Variants in C1GALT1 observed in about 807,000 individuals in gnomAD.
C1GALT1 encodes the protein glycoprotein-N-acetylgalactosamine 3-beta-galactosyltransferase 1.
A neutral mutation model predicts 31.0 loss-of-function variants in C1GALT1; 11 were observed. The ratio of observed to expected loss-of-function variants is 0.36; its 90% CI spans 0.22 to 0.59. The LOEUF (loss-of-function observed/expected upper bound fraction) is 0.59, where lower values mean the gene tolerates loss of function less well. C1GALT1 is among the 20% of genes least tolerant of loss of function. The probability of loss-of-function intolerance (pLI) is 0.79; values close to 1 mark genes in which losing one functional copy is unlikely to be tolerated. For synonymous variants in C1GALT1, 175 were observed against 143.6 expected, an observed-to-expected ratio of 1.22 and a Z score of -1.56; for missense variants, 424 against 425.2, an observed-to-expected ratio of 1.00 and a Z score of 0.03.
upstream of C1GALT1, among the ~76,000 whole-genome samples, chr7:7,180,310 A>G (rs181871140): frequency 1.3e-5 from 2 of 152,372 alleles, no homozygotes; most frequent in Non-Finnish European, 2.9e-5. Flanking sequence ...GCTGACATTA[A>G]TGTCACTTCT....
At position 7,213,898 on chromosome 7, in the gene C1GALT1, A is replaced by G. The variant is rs7795697; in HGVS notation, c.-17-20405A>G. 5.3e-4 allele frequency among the ~76,000 whole-genome samples: 81 copies of G among 152,334 alleles called. 1 individual carries two copies. The highest frequency in any genetic ancestry group is 1.7e-3 in the African/African-American group (71 of 41,582). On this transcript the variant is annotated intron_variant, in intron 1 of 3. Transcript: ENST00000436587. ...AAGAACATATAAATATCATGGGAGA[A>G]GACACTGTAGTTCTTCTACCATGCA...
chr7:7,237,384 GCTTA>G (rs1455660118), intron 2 of C1GALT1, among the ~76,000 whole-genome samples: 10 of 152,170 alleles, frequency 6.6e-5, no homozygotes, highest in African/African-American at 2.2e-4. Flanking sequence ...TACGCTCACT[GCTTA>G]CTTAAATGGA....
chr7:7,181,841 TGTG>T (rs1780595166), upstream of C1GALT1, among the ~76,000 whole-genome samples: 1 of 152,208 alleles, frequency 6.6e-6, no homozygotes, highest in South Asian at 2.1e-4. Context: ...TCATGACTAT[TGTG>T]GGGTTGCCTC....
At chr7:7,198,211 A>G (rs1036890874) in intron 1 of C1GALT1, among the ~76,000 whole-genome samples, 1 of 152,202 alleles carries the variant, frequency 6.6e-6, no homozygotes, top group Non-Finnish European at 1.5e-5. Flanking sequence ...TGTCCCATCA[A>G]TACCTAATTT....
At chr7:7,232,093 A>G (rs1233144095) in intron 1 of C1GALT1, among the ~76,000 whole-genome samples, 2 of 152,134 alleles carry the variant, frequency 1.3e-5, no homozygotes, top group Non-Finnish European at 2.9e-5. Flanking sequence ...AGAATCAGTC[A>G]TTGTCTTGAG....
At chr7:7,222,429 T>C (rs1782552390) in intron 1 of C1GALT1, among the ~76,000 whole-genome samples, 1 of 152,246 alleles carries the variant, frequency 6.6e-6, no homozygotes, top group African/African-American at 2.4e-5. Flanking sequence ...TCTATGGTTG[T>C]CTATTAGGTT....
Position 7,245,270 on chromosome 7 carries a change from T to G in C1GALT1, c.*1543T>G, listed in dbSNP as rs1267910612. 13 of 152,268 alleles carry G rather than the reference T, an allele frequency of 8.5e-5. No homozygotes were observed. The highest frequency in any genetic ancestry group is 2.9e-4 in the African/African-American group (12 of 41,472). 9.4% of individuals were successfully genotyped at this position (152,268 alleles called of 1,614,324 possible). A position where few individuals can be genotyped will look rare whatever the true frequency, so the allele number is the denominator to read the frequency against. ...TCTCACTCTGTCTCCCAGGCTGGAC[T>G]GCAGTGGTGCGATTCTCCTGCCTCA... On this transcript the variant is annotated 3_prime_UTR_variant, in exon 4 of 4. Coordinates refer to ENST00000436587, the MANE Select transcript of C1GALT1 (RefSeq NM_020156.5).
intron 1 of C1GALT1, among the ~76,000 whole-genome samples, chr7:7,216,493 C>T (rs183550824): frequency 0.038 from 5,653 of 148,882 alleles, 211 homozygotes; most frequent in African/African-American, 0.11. Flanking sequence ...CTGGATCCCC[C>T]CTCCCCCAGC....
chr7:7,187,341 C>G (rs2128230287), intron 1 of C1GALT1, among the ~76,000 whole-genome samples: 1 of 152,192 alleles, frequency 6.6e-6, no homozygotes, highest in East Asian at 1.9e-4. Flanking sequence ...GCTCTGCCTC[C>G]TGGGTTCACG....
At chr7:7,223,402 A>T (rs1562585822) in intron 1 of C1GALT1, among the ~76,000 whole-genome samples, 1 of 152,100 alleles carries the variant, frequency 6.6e-6, no homozygotes, top group Non-Finnish European at 1.5e-5. Context: ...ACCTCAAGAG[A>T]TTCTCCCACC....
At chr7:7,239,098 C>CAGT (rs1278649595) in intron 3 of C1GALT1, 176 bp downstream of exon 3, 8 of 592,266 alleles carry the variant, frequency 1.4e-5, no homozygotes, top group Non-Finnish European at 2.3e-5. Flanking sequence ...CAGCAATCAG[C>CAGT]AGTAGTCACT....
chr7:7,215,077 A>G (rs1782172405), intron 1 of C1GALT1, among the ~76,000 whole-genome samples: 2 of 152,188 alleles, frequency 1.3e-5, no homozygotes, highest in Non-Finnish European at 2.9e-5. Flanking sequence ...CCACCATTGT[A>G]AAATGGTGGA....
intron 2 of C1GALT1, chr7:7,234,835 A>G (rs554667621): frequency 2.4e-5 from 5 of 205,796 alleles, no homozygotes; most frequent in Non-Finnish European, 3.9e-5. Context: ...GTTTTGTTAT[A>G]TGTGTGTCTT....
chr7:7,157,663 CT>C (rs1339002649), intron 2 of C1GALT1, among the ~76,000 whole-genome samples: 1 of 151,976 alleles, frequency 6.6e-6, no homozygotes, highest in Non-Finnish European at 1.5e-5. Context: ...AGTTAGGTGT[CT>C]ATTAGCTTCC....
rs1282235408 is a variant in C1GALT1, at chr7:7,244,773, C to CCACCTCAGT, written c.*1046_*1047insCACCTCAGT. The CCACCTCAGT allele has an allele frequency of 6.6e-6, 1 of 151,934 alleles. No homozygotes were observed. Among genetic ancestry groups the CCACCTCAGT allele is most frequent in the East Asian group, 1.9e-4 (1 of 5,186 alleles). 9.4% of individuals were successfully genotyped at this position (151,934 alleles called of 1,614,324 possible). A position where few individuals can be genotyped will look rare whatever the true frequency, so the allele number is the denominator to read the frequency against. On this transcript the variant is annotated 3_prime_UTR_variant, in exon 4 of 4. Transcript: ENST00000436587. The stretch of plus-strand genomic sequence containing the variant: ...AATTAGTTTATAGGATCTGAGGTGG[C>CCACCTCAGT]TATTAGTTACAGTGGCAAGATTATT...
rs1266002315 is a variant in C1GALT1, at chr7:7,174,056, G to A, written c.-18+16630G>A. On this transcript the variant is annotated intron_variant, in intron 2 of 3. Transcript: ENST00000429911. ...GAGGGTTCTTTTCCTGGCTTTATAG[G>A]CAGCCGTCTTTTTTTTTTATGTCCC... is the stretch of plus-strand genomic sequence containing the variant. Among the ~76,000 whole-genome samples the A allele has an allele frequency of 2.0e-5, 3 of 152,076 alleles. No individual in the cohort carries two copies. The East Asian group carries it at 5.8e-4, about 29-fold the overall frequency.
rs1426431255 is a variant in C1GALT1, at chr7:7,166,104, C to A, written c.-18+8678C>A. Among the ~76,000 whole-genome samples the A allele has an allele frequency of 2.6e-5, 4 of 152,172 alleles. No homozygotes were observed. The East Asian group carries it at 7.7e-4, about 29-fold the overall frequency. On this transcript the variant is annotated intron_variant, in intron 2 of 3. Transcript: ENST00000429911. Reference sequence around the variant, plus strand: ...ACGTTCTCTCATTTACTGATAACAACCATGTGAAAAAAACGTATATTACTG... The same window carrying A: ...ACGTTCTCTCATTTACTGATAACAAACATGTGAAAAAAACGTATATTACTG...
At chr7:7,207,659 G>A (rs1045055718) in intron 1 of C1GALT1, among the ~76,000 whole-genome samples, 6 of 151,698 alleles carry the variant, frequency 4.0e-5, no homozygotes, top group African/African-American at 1.2e-4. Context: ...TTCTTTTAGT[G>A]GGCCATATTT....
rs1199188677 is a variant in C1GALT1 at position 7,236,345 on chromosome 7, G to T, written c.220+1806G>T. Among the ~76,000 whole-genome samples the T allele has an allele frequency of 2.0e-5, 3 of 152,154 alleles. No individual in the cohort carries two copies. In the East Asian group the frequency reaches 5.8e-4, roughly 29 times the overall value. ...CTGTCTTACCTGAATGAAACAGATT[G>T]GGGATTCCTGCATTCACTGTTCTAT... On this transcript the variant is annotated intron_variant, in intron 2 of 3. Coordinates refer to ENST00000436587, the MANE Select transcript of C1GALT1 (RefSeq NM_020156.5).
Sources: allele counts gnomAD v4.1 joint callset (sites outside exome capture counted in the v4.1 genomes callset), GRCh38; gene constraint gnomAD v4.1.1; transcripts MANE v1.5; gene names NCBI Gene and HGNC (gene_info 2026-07-23, HGNC 2026-07-21).